Variants in NEK1 observed in about 807,000 individuals in gnomAD.
NEK1 encodes the protein NIMA related kinase 1.
A neutral mutation model predicts 182.1 loss-of-function variants in NEK1; 137 were observed. The ratio of observed to expected loss-of-function variants is 0.75; its 90% CI spans 0.65 to 0.87. The LOEUF is 0.87. Among genes scored for constraint, NEK1 ranks in the 40% least tolerant of loss-of-function variants. The pLI, the probability that NEK1 is intolerant of heterozygous loss-of-function variation, is 0.00. For synonymous variants in NEK1, 513 were observed against 492.2 expected, an observed-to-expected ratio of 1.04 and a Z score of -0.56; for missense variants, 1,391 against 1,494.4, an observed-to-expected ratio of 0.93 and a Z score of 1.14.
intron 31 of NEK1, among the ~76,000 whole-genome samples, chr4:169,414,116 T>C (rs2111202439): frequency 6.6e-6 from 1 of 152,356 alleles, no homozygotes. Context: ...ATTAGCCAGC[T>C]ACTATTACAC....
chr4:169,559,045 T>C (rs1407301804), intron 16 of NEK1, among the ~76,000 whole-genome samples: 4 of 152,088 alleles, frequency 2.6e-5, no homozygotes, highest in African/African-American at 7.2e-5. Context: ...CTTTAAATCA[T>C]GGAAAATAAA....
intron 31 of NEK1, among the ~76,000 whole-genome samples, chr4:169,410,808 A>G (rs1733540743): frequency 6.6e-6 from 1 of 152,240 alleles, no homozygotes; most frequent in Non-Finnish European, 1.5e-5. Flanking sequence ...TCAAGTTTTC[A>G]TAAAGCAGAT....
chr4:169,610,544 C>T (rs1448226362), intron 2 of NEK1, among the ~76,000 whole-genome samples: 2 of 152,088 alleles, frequency 1.3e-5, no homozygotes, highest in Non-Finnish European at 2.9e-5. Context: ...ACCTCCTGAC[C>T]TCAAGTGATC....
intron 27 of NEK1, among the ~76,000 whole-genome samples, chr4:169,459,486 A>G (rs941796003): frequency 1.3e-5 from 2 of 152,192 alleles, no homozygotes; most frequent in African/African-American, 2.4e-5. Context: ...ACAAAACTAA[A>G]CATACTCTTA....
intron 32 of NEK1, among the ~76,000 whole-genome samples, chr4:169,406,068 G>C (rs1732541260): frequency 6.6e-6 from 1 of 152,156 alleles, no homozygotes; most frequent in African/African-American, 2.4e-5. Context: ...CTGCACTCCA[G>C]CCTGGGTGAC....
At chr4:169,480,510 T>TAAAAAAAA (rs58933123) in intron 23 of NEK1, among the ~76,000 whole-genome samples, 2 of 100,272 alleles carry the variant, frequency 2.0e-5, no homozygotes, top group Admixed American at 1.1e-4. Flanking sequence ...ACCTCATTCC[T>TAAAAAAAA]AAAAAAAAAA....
chr4:169,445,865 TAC>T lies in NEK1; in HGVS notation c.2588-7608_2588-7607del, dbSNP rs201151434. On this transcript the variant is annotated intron_variant, in intron 27 of 35. Coordinates refer to ENST00000507142, the MANE Select transcript of NEK1 (RefSeq NM_001199397.3). ...AACTATATACATATATATATATATA[TAC>T]ACACACACACACACACACATGCACA... Among the ~76,000 whole-genome samples the T allele has an allele frequency of 5.4e-3, 772 of 143,206 alleles. 14 individuals carry two copies. Among genetic ancestry groups the T allele is most frequent in the African/African-American group, 9.2e-3 (331 of 35,954 alleles). 93.9% of individuals were successfully genotyped at this position (143,206 alleles called of 152,430 possible).
chr4:169,579,909 A>G (rs967825781), intron 11 of NEK1, among the ~76,000 whole-genome samples: 9 of 152,208 alleles, frequency 5.9e-5, no homozygotes, highest in African/African-American at 2.2e-4. Flanking sequence ...TCCAAATTCA[A>G]AATGGAGTAG....
At chr4:169,436,334 C>T (rs189669523) in intron 28 of NEK1, among the ~76,000 whole-genome samples, 8 of 152,210 alleles carry the variant, frequency 5.3e-5, no homozygotes, top group African/African-American at 1.2e-4. Context: ...TTTGGGACTG[C>T]GGAGCAGGCA....
intron 10 of NEK1, 112 bp downstream of exon 10, chr4:169,585,237 A>C (rs1248298530): frequency 1.4e-6 from 1 of 695,120 alleles, no homozygotes; most frequent in African/African-American, 1.8e-5. Flanking sequence ...TGTAGTTTGA[A>C]AAAGGCACAC....
chr4:169,591,169 A>G (rs1768433658), intron 5 of NEK1, among the ~76,000 whole-genome samples: 1 of 143,448 alleles, frequency 7.0e-6, no homozygotes, highest in Non-Finnish European at 1.5e-5. Flanking sequence ...CTTTAGGGAT[A>G]GGGTCTTGCT....
rs374948421 is a variant in NEK1, at chr4:169,401,746, G to T, written c.3489C>A (p.Asn1163Lys). The change falls in exon 33 of 36, where the codon AAC (asparagine) becomes AAA (lysine). Residue 1163 changes from asparagine (N) to lysine (K), a missense_variant. Asn to Lys is a moderately conservative substitution (Grantham distance 94). Around this residue, in one of 5 missense-constraint regions of NEK1, gnomAD observed 1,216 missense variants for 1,277.6 expected, o/e 0.95. Coordinates refer to ENST00000507142, the MANE Select transcript of NEK1 (RefSeq NM_001199397.3). ...YSEEEESVLK[N>K]SDVEPTANGT... ...CATTTGCAGTTGGCTCCACATCACT[G>T]TTCTTCAAGACTGACTCTTCTTCTT... The T allele has an allele frequency of 6.2e-7, 1 of 1,613,808 alleles. No homozygotes were observed. Among genetic ancestry groups the T allele is most frequent in the African/African-American group, 1.3e-5 (1 of 74,922 alleles).
At position 169,498,492 on chromosome 4, in the gene NEK1, A is replaced by C. The variant is rs376587953; in HGVS notation, c.2007+8545T>G. Among the ~76,000 whole-genome samples the C allele has an allele frequency of 2.0e-5, 3 of 152,116 alleles. No homozygotes were observed. In the East Asian group the frequency reaches 5.8e-4, roughly 29 times the overall value. ...TGCTCATTAGTTGATGCAGTTTCTT[A>C]CTAGCCTCGATGGTCTTTACAATTT... On this transcript the variant is annotated intron_variant, in intron 23 of 35. Coordinates refer to ENST00000507142, the MANE Select transcript of NEK1 (RefSeq NM_001199397.3).
At chr4:169,501,284 A>G (rs1752374878) in intron 23 of NEK1, among the ~76,000 whole-genome samples, 1 of 152,204 alleles carries the variant, frequency 6.6e-6, no homozygotes, top group Non-Finnish European at 1.5e-5. Context: ...AAAGGGACAG[A>G]CAATAATATC....
rs1579860370 is a variant in NEK1 at position 169,461,507 on chromosome 4, TA to T, written c.2587+1735del. 2.0e-5 allele frequency among the ~76,000 whole-genome samples: 3 copies of T among 152,262 alleles called. No individual in the cohort carries two copies. In the East Asian group the frequency reaches 5.8e-4, roughly 29 times the overall value. On this transcript the variant is annotated intron_variant, in intron 27 of 35. Coordinates refer to ENST00000507142, the MANE Select transcript of NEK1 (RefSeq NM_001199397.3). Reference sequence around the variant, plus strand: ...CATTAATAAAGGCATATAGTACTGATAAAGTAAAGCTACCTCAGCTGTGGCC... The same window carrying T: ...CATTAATAAAGGCATATAGTACTGATAAGTAAAGCTACCTCAGCTGTGGCC...
intron 2 of NEK1, among the ~76,000 whole-genome samples, chr4:169,608,629 CG>C (rs1235113355): frequency 2.0e-5 from 3 of 152,052 alleles, no homozygotes; most frequent in African/African-American, 7.2e-5. Context: ...ATAAAAAACT[CG>C]TACATATTTA....
At chr4:169,559,543 C>T (rs1480408858) in intron 16 of NEK1, among the ~76,000 whole-genome samples, 1 of 152,104 alleles carries the variant, frequency 6.6e-6, no homozygotes, top group African/African-American at 2.4e-5. Context: ...AAAAACAAAT[C>T]TATAAATCCA....
intron 19 of NEK1, among the ~76,000 whole-genome samples, chr4:169,516,463 C>T (rs1283238365): frequency 1.0e-5 from 1 of 98,612 alleles, no homozygotes; most frequent in Non-Finnish European, 1.9e-5. Flanking sequence ...TGCCTGTTCA[C>T]TCTGATGGTA....
chr4:169,463,225 C>CT lies in NEK1; in HGVS notation c.2587+17dup. Reference sequence around the variant, plus strand: ...TAATATTACTTCTAGTATAGAAAAACTACCAGTTTCTCCTTACCACTTCTA... The same window carrying CT: ...TAATATTACTTCTAGTATAGAAAAACTTACCAGTTTCTCCTTACCACTTCTA... On this transcript the variant is annotated intron_variant, in intron 27 of 35. Transcript: ENST00000507142. 3.6e-6 allele frequency: 5 copies of CT among 1,400,840 alleles called. No individual in the cohort carries two copies. Among genetic ancestry groups the CT allele is most frequent in the Non-Finnish European group, 4.7e-6 (5 of 1,061,160 alleles). 86.8% of individuals were successfully genotyped at this position (1,400,840 alleles called of 1,614,324 possible).
Sources: gnomAD v4.1 joint callset for allele counts (sites outside exome capture counted in the v4.1 genomes callset) on GRCh38, gnomAD v4.1.1 for gene constraint, gnomAD v4.1.1 regional missense constraint, MANE v1.5 for transcripts, NCBI Gene and HGNC (gene_info 2026-07-23, HGNC 2026-07-21) for gene names.